DMD: variants seen among roughly 807,000 people sequenced by gnomAD.
DMD encodes the protein mutant dystrophin.
In DMD, 63 loss-of-function variants were observed where a neutral mutation model predicts 330.1. The ratio of observed to expected loss-of-function variants is 0.19; its 90% CI spans 0.16 to 0.24. DMD has a LOEUF of 0.24. DMD is among the 10% of genes least tolerant of loss of function. DMD has a pLI of 1.00. For missense variants in DMD, 3,344 were observed against 2,684.1 expected (o/e 1.25, Z -5.43); for synonymous variants, 1,223 against 959.8 (o/e 1.27, Z -5.07).
intron 60 of DMD, among the ~76,000 whole-genome samples, chrX:31,396,114 G>A (rs759928983): frequency 9.3e-6 from 1 of 107,745 alleles, no homozygotes; most frequent in East Asian, 2.9e-4. Context: ...CTGATACAGG[G>A]CCCTTAGCTT....
chrX:31,993,864 G>A (rs1227982239), intron 44 of DMD, among the ~76,000 whole-genome samples: 1 of 111,863 alleles, frequency 8.9e-6, no homozygotes, highest in Admixed American at 9.5e-5. Flanking sequence ...TGCTCAGCTG[G>A]TTGCTCAGGA....
At chrX:31,740,604 G>A (rs761792195) in intron 51 of DMD, among the ~76,000 whole-genome samples, 1 of 112,012 alleles carries the variant, frequency 8.9e-6, no homozygotes, top group Non-Finnish European at 1.9e-5. Flanking sequence ...GTGTGCAATA[G>A]CATTGTATCT....
chrX:32,717,192 AG>A (rs1285461609), intron 7 of DMD, among the ~76,000 whole-genome samples: 1 of 111,780 alleles, frequency 8.9e-6, no homozygotes, highest in Non-Finnish European at 1.9e-5. Context: ...AAATGCCCAA[AG>A]GCATTTCAGA....
chrX:33,010,549 T>C (rs2093682968), intron 2 of DMD, among the ~76,000 whole-genome samples: 1 of 110,309 alleles, frequency 9.1e-6, no homozygotes, highest in Non-Finnish European at 1.9e-5. Context: ...AGCCAGTAAG[T>C]ATAATGCAAA....
intron 9 of DMD, among the ~76,000 whole-genome samples, chrX:32,652,263 T>C (rs2060211645): frequency 9.5e-6 from 1 of 105,570 alleles, no homozygotes; most frequent in Non-Finnish European, 1.9e-5. Context: ...ATCAGGTATA[T>C]CTCCTAATAC....
intron 1 of DMD, among the ~76,000 whole-genome samples, chrX:33,177,732 T>A (rs968450976): frequency 1.8e-5 from 2 of 112,124 alleles, no homozygotes; most frequent in African/African-American, 3.2e-5. Flanking sequence ...ATCTACTCTC[T>A]TAACAAATGT....
intron 59 of DMD, 24 bp from the exon 60 acceptor site, chrX:31,444,651 A>G (rs769287794): frequency 3.3e-5 from 40 of 1,206,424 alleles, no homozygotes; most frequent in Non-Finnish European, 4.4e-5. Flanking sequence ...TCAAAAGCAA[A>G]TTGGAAGATG....
intron 44 of DMD, among the ~76,000 whole-genome samples, chrX:32,197,626 T>C (rs1159686971): frequency 8.9e-6 from 1 of 112,024 alleles, no homozygotes; most frequent in African/African-American, 3.2e-5. Flanking sequence ...ATTTAATCTT[T>C]TAACAGAAAA....
intron 44 of DMD, among the ~76,000 whole-genome samples, chrX:32,069,800 C>G (rs2096283680): frequency 9.0e-6 from 1 of 111,688 alleles, no homozygotes. Context: ...TTTAGGACCT[C>G]TGAACACTGT....
chrX:33,262,709 A>G (rs1440115607), intron 1 of DMD, among the ~76,000 whole-genome samples: 4 of 111,136 alleles, frequency 3.6e-5, no homozygotes, highest in African/African-American at 1.3e-4. Context: ...ACATTTAAAC[A>G]ATGATGGTAG....
chrX:32,630,516 AC>A (rs1019006302), intron 11 of DMD, among the ~76,000 whole-genome samples: 10 of 109,240 alleles, frequency 9.2e-5, no homozygotes, highest in African/African-American at 3.0e-4. Context: ...TCTTCAATAA[AC>A]TTTTTAGGAC....
chrX:32,739,057 T>A (rs778228136), intron 7 of DMD, among the ~76,000 whole-genome samples: 9 of 112,092 alleles, frequency 8.0e-5, no homozygotes, highest in Non-Finnish European at 1.5e-4. Flanking sequence ...ACTTGCCAAG[T>A]CCTGCACTAA....
At chrX:32,645,391 T>C (rs1287068667) in intron 9 of DMD, among the ~76,000 whole-genome samples, 3 of 112,244 alleles carry the variant, frequency 2.7e-5, no homozygotes, top group African/African-American at 6.5e-5. Flanking sequence ...AAAGCTCTTC[T>C]AGATTACTGG....
rs2080893621 is a variant in DMD at position 31,658,082 on chromosome X, C to T, written c.7935G>A (p.Leu2645=). ...TNVDVANDLA[L]KLLRDYSADD... The stretch of plus-strand genomic sequence containing the variant: ...CTGCAGAATAATCCCGGAGAAGTTT[C>T]AGGGCCAAGTCATTTGCCACATCTA... Residue 2645 remains leucine, a synonymous_variant, in exon 54 of 79, where the codon CTG becomes CTA. Transcript: ENST00000357033. 1 of 1,210,154 alleles carries T rather than the reference C, an allele frequency of 8.3e-7. No homozygotes were observed. Among genetic ancestry groups the T allele is most frequent in the African/African-American group, 1.7e-5 (1 of 57,239 alleles).
intron 49 of DMD, among the ~76,000 whole-genome samples, chrX:31,833,277 AGAGAGAGAGAGAGAGGGAGAGAGG>A (rs2093098631): frequency 4.9e-5 from 2 of 40,451 alleles, no homozygotes; most frequent in Non-Finnish European, 7.3e-5. Context: ...GAAGGGGGAG[AGAGAGAGAGAGAGAGGGAGAGAGG>A]GAGAGAGGGA....
intron 7 of DMD, among the ~76,000 whole-genome samples, chrX:32,701,635 T>A: frequency 9.0e-6 from 1 of 111,533 alleles, no homozygotes; most frequent in Non-Finnish European, 1.9e-5. Context: ...TTAGCATAAC[T>A]TAGAGCTCTT....
intron 1 of DMD, among the ~76,000 whole-genome samples, chrX:33,326,102 C>T (rs1383225868): frequency 6.3e-5 from 7 of 110,917 alleles, no homozygotes; most frequent in Non-Finnish European, 1.3e-4. Context: ...TAGTACTGCT[C>T]GTGTACTATG....
At chrX:33,308,828 C>T (rs919550149) in intron 1 of DMD, among the ~76,000 whole-genome samples, 1 of 111,695 alleles carries the variant, frequency 9.0e-6, no homozygotes, top group African/African-American at 3.3e-5. Context: ...CTTAGTCTCA[C>T]AGCAAGGATA....
intron 17 of DMD, among the ~76,000 whole-genome samples, chrX:32,533,208 C>A (rs2047642259): frequency 1.8e-5 from 2 of 111,001 alleles, no homozygotes. Flanking sequence ...TATCATATTT[C>A]TCTCTCTCAA....
Sources: allele counts gnomAD v4.1 joint callset (sites outside exome capture counted in the v4.1 genomes callset), GRCh38; gene constraint gnomAD v4.1.1; transcripts MANE v1.5; gene names NCBI Gene and HGNC (gene_info 2026-07-23, HGNC 2026-07-21).